The following WDR75 variants were observed in gnomAD, a reference collection of about 807,000 sequenced individuals.
WDR75 encodes the protein WD repeat domain 75.
In WDR75, 52 loss-of-function variants were observed where a neutral mutation model predicts 106.1. The observed-to-expected ratio is 0.49, with a 90% CI of 0.39 to 0.62. The LOEUF (loss-of-function observed/expected upper bound fraction) is 0.62, where lower values mean the gene tolerates loss of function less well. Ranked by LOEUF, WDR75 falls within the 20% of genes least tolerant of loss-of-function variation. The pLI is 0.00. For synonymous variants in WDR75, 333 were observed against 335.5 expected, an observed-to-expected ratio of 0.99 and a Z score of 0.08; for missense variants, 905 against 970.3, an observed-to-expected ratio of 0.93 and a Z score of 0.89.
In WDR75 at chr2:189,450,825, TCAA is replaced by T; in HGVS notation, c.217-75_217-73del. ...ATTAATGAATAGAAAATGCCCCTGA[TCAA>T]CATTTAATTATTCATTTGATATCTT... is the stretch of plus-strand genomic sequence containing the variant. On this transcript the variant is annotated intron_variant, in intron 2 of 20. Transcript: ENST00000314761. 5.7e-6 allele frequency: 9 copies of T among 1,578,468 alleles called. No homozygotes were observed. The South Asian group carries it at 1.1e-4, about 19-fold the overall frequency.
At chr2:189,466,756 A>C (rs1687010135) in intron 13 of WDR75, among the ~76,000 whole-genome samples, 174 bp downstream of exon 13, 1 of 152,054 alleles carries the variant, frequency 6.6e-6, no homozygotes, top group African/African-American at 2.4e-5. Flanking sequence ...TTTTCCTCAA[A>C]TCTGTTCTTT....
chr2:189,471,843 A>G (rs760876985), intron 18 of WDR75, among the ~76,000 whole-genome samples: 15 of 152,168 alleles, frequency 9.9e-5, no homozygotes, highest in Admixed American at 2.6e-4. Context: ...TTGGAGGTCA[A>G]TTTAAGACCT....
chr2:189,463,576 G>T, intron 9 of WDR75, 118 bp from the exon 10 acceptor site: 1 of 799,276 alleles, frequency 1.3e-6, no homozygotes. Flanking sequence ...TAATAATAAT[G>T]TTTTCAGAAA....
rs1006450125 is a variant in WDR75 at position 189,454,602 on chromosome 2, A to G, written c.374-718A>G. Among the ~76,000 whole-genome samples the G allele has an allele frequency of 9.9e-5, 15 of 151,586 alleles. No homozygotes were observed. In the East Asian group the frequency reaches 2.7e-3, roughly 28 times the overall value. ...AGTGGCACAGTCTCGGCTCACTGCAACCTCCACCTCCCGGGTTCACGCCAT... is the reference window on the plus strand; with the variant it reads ...AGTGGCACAGTCTCGGCTCACTGCAGCCTCCACCTCCCGGGTTCACGCCAT... On this transcript the variant is annotated intron_variant, in intron 4 of 20. Coordinates refer to ENST00000314761, the MANE Select transcript of WDR75 (RefSeq NM_032168.3).
chr2:189,461,461 C>T (rs956867846), intron 8 of WDR75, among the ~76,000 whole-genome samples: 1 of 151,784 alleles, frequency 6.6e-6, no homozygotes, highest in African/African-American at 2.4e-5. Flanking sequence ...CTTTTTAGGT[C>T]TTTATATCCA....
intron 6 of WDR75, among the ~76,000 whole-genome samples, chr2:189,458,172 C>T (rs988144607): frequency 3.3e-5 from 5 of 152,168 alleles, no homozygotes; most frequent in African/African-American, 9.7e-5. Flanking sequence ...ATCCACCCGC[C>T]TCAGCCTCCG....
chr2:189,449,278 G>A (rs999880748), intron 2 of WDR75: 1 of 1,303,264 alleles, frequency 7.7e-7, no homozygotes, highest in Admixed American at 2.3e-5. Context: ...GATTAAGGAT[G>A]GATTTGCATT....
intron 13 of WDR75, among the ~76,000 whole-genome samples, chr2:189,467,133 G>C (rs1007597298): frequency 6.6e-6 from 1 of 151,864 alleles, no homozygotes; most frequent in African/African-American, 2.4e-5. Flanking sequence ...AGATAGTACC[G>C]AACCCTGTAT....
rs988902230 is a variant in WDR75 at position 189,474,641 on chromosome 2, G to A, written c.2197-76G>A. The stretch of plus-strand genomic sequence containing the variant: ...TGGCATTTACAATAAAAGGGACTCC[G>A]TGAGGACACTGTAGGAACAGACTGC... On this transcript the variant is annotated intron_variant, in intron 19 of 20. Transcript: ENST00000314761. 3.0e-5 allele frequency: 39 copies of A among 1,285,046 alleles called. No homozygotes were observed. The Admixed American group carries it at 5.4e-4, about 18-fold the overall frequency. The allele number at this position is 1,285,046 out of a possible 1,614,324, so 79.6% of individuals were successfully genotyped here.
intron 12 of WDR75, among the ~76,000 whole-genome samples, chr2:189,466,124 A>G (rs1323245385): frequency 2.0e-5 from 3 of 152,186 alleles, no homozygotes; most frequent in Non-Finnish European, 2.9e-5. Context: ...AGTTTGATAC[A>G]GTAGGCTTTT....
chr2:189,441,617 G>C (rs753013591), intron 1 of WDR75, 39 bp downstream of exon 1: 1 of 1,546,700 alleles, frequency 6.5e-7, no homozygotes, highest in Non-Finnish European at 8.8e-7. Flanking sequence ...GAGGGGCGGG[G>C]CGTGAGTTTC....
intron 1 of WDR75, among the ~76,000 whole-genome samples, chr2:189,447,658 C>G (rs1278389692): frequency 6.6e-6 from 1 of 152,204 alleles, no homozygotes; most frequent in Non-Finnish European, 1.5e-5. Context: ...TGTCTACAAA[C>G]AGTCAAGAGA....
intron 4 of WDR75, among the ~76,000 whole-genome samples, chr2:189,453,817 T>C (rs1158404815): frequency 6.6e-6 from 1 of 152,210 alleles, no homozygotes; most frequent in African/African-American, 2.4e-5. Context: ...CCTTTTTGTG[T>C]TATCTATGTT....
At chr2:189,457,214 C>G (rs1399650733) in intron 5 of WDR75, 97 bp from the exon 6 acceptor site, 1 of 801,182 alleles carries the variant, frequency 1.2e-6, no homozygotes, top group Non-Finnish European at 2.0e-6. Flanking sequence ...ACATTCCAGC[C>G]TGGGGGACAA....
intron 12 of WDR75, 99 bp downstream of exon 12, chr2:189,465,353 G>T (rs1686979549): frequency 7.6e-7 from 1 of 1,312,532 alleles, no homozygotes; most frequent in Non-Finnish European, 1.0e-6. Flanking sequence ...TCTTGACAAG[G>T]TTTAGATTTA....
Position 189,474,861 on chromosome 2 carries a change from G to A in WDR75, c.2288+53G>A, listed in dbSNP as rs761480291. On this transcript the variant is annotated intron_variant, in intron 20 of 20. Transcript: ENST00000314761. ...ACACTCTCTTTTGGGAAACAGGATC[G>A]TTTGTGTTTATCCTTTTTTAGAGTA... The A allele has an allele frequency of 5.3e-5, 75 of 1,417,728 alleles. 1 individual carries two copies. In the South Asian group the frequency reaches 6.3e-4, roughly 12 times the overall value. The allele number at this position is 1,417,728 out of a possible 1,614,324, so 87.8% of individuals were successfully genotyped here. A position where few individuals can be genotyped will look rare whatever the true frequency, so the allele number is the denominator to read the frequency against.
intron 4 of WDR75, among the ~76,000 whole-genome samples, chr2:189,455,112 A>G (rs933649693): frequency 7.2e-5 from 11 of 151,980 alleles, no homozygotes; most frequent in Non-Finnish European, 1.5e-4. Flanking sequence ...TTGATGTCAC[A>G]TGCCTGTAGT....
intron 6 of WDR75, among the ~76,000 whole-genome samples, chr2:189,458,114 G>A (rs1237459209): frequency 2.0e-5 from 3 of 151,990 alleles, no homozygotes; most frequent in South Asian, 2.1e-4. Flanking sequence ...GTAGAGACGG[G>A]GTTTCACCAT....
intron 9 of WDR75, 118 bp downstream of exon 9, chr2:189,462,760 C>A: frequency 1.1e-6 from 1 of 913,392 alleles, no homozygotes; most frequent in Non-Finnish European, 1.6e-6. Flanking sequence ...ATTTAATGAG[C>A]CTTCTTTTCC....
Sources: gnomAD v4.1 joint callset for allele counts (sites outside exome capture counted in the v4.1 genomes callset) on GRCh38, gnomAD v4.1.1 for gene constraint, MANE v1.5 for transcripts, NCBI Gene and HGNC (gene_info 2026-07-23, HGNC 2026-07-21) for gene names.